DGKD: variants seen among roughly 807,000 people sequenced by gnomAD.
The protein encoded by DGKD is diacylglycerol kinase delta, also known as DAG kinase delta.
In DGKD, 68 loss-of-function variants were observed where a neutral mutation model predicts 154.4. That is an observed-to-expected ratio of 0.44 (90% CI 0.36 to 0.54). The LOEUF is 0.54. Among genes scored for constraint, DGKD ranks in the 20% least tolerant of loss-of-function variants. The pLI, the probability that DGKD is intolerant of heterozygous loss-of-function variation, is 0.00. For missense variants in DGKD, 1,343 were observed against 1,593.6 expected, an observed-to-expected ratio of 0.84 and a Z score of 2.68; for synonymous variants, 693 against 638.0, an observed-to-expected ratio of 1.09 and a Z score of -1.30.
In DGKD at chr2:233,460,254, C is replaced by A. The variant is rs1301038819; in HGVS notation, c.2890C>A (p.Pro964Thr). ...GCAGAAGTGCGAGCTGCCCCGCCCT[C>A]CATCCTGTTCCCTGCACCCGGAGAT... ...DKQKCELPRPPSCSLHPEMLS... is the reference protein window; with the variant it reads ...DKQKCELPRPTSCSLHPEMLS... Residue 964 changes from proline to threonine, a missense_variant, in exon 24 of 30, where the codon CCA becomes ACA. This residue lies in a region of DGKD where 429 missense variants were observed against 496.3 expected (regional missense o/e 0.86). Coordinates refer to ENST00000264057, the MANE Select transcript of DGKD (RefSeq NM_152879.3). 2 of 1,613,876 alleles carry A rather than the reference C, an allele frequency of 1.2e-6. No individual in the cohort carries two copies. The highest frequency in any genetic ancestry group is 1.3e-5 in the African/African-American group (1 of 74,886).
rs2062797192 is a variant in DGKD at position 233,438,798 on chromosome 2, CTA to C, written c.1085+421_1085+422del. On this transcript the variant is annotated intron_variant, in intron 9 of 29. Coordinates refer to ENST00000264057, the MANE Select transcript of DGKD (RefSeq NM_152879.3). This position sits in a 1 kb window ranked among gnomAD's most constrained non-coding sequence, Gnocchi z 4.1. ...TCTATCTATCTATCTATCTATCTAT[CTA>C]TCTATCTATCTATCTGTGGGTGTAT... 6.7e-6 allele frequency among the ~76,000 whole-genome samples: 1 copy of C among 149,566 alleles called. No homozygotes were observed. The highest frequency in any genetic ancestry group is 1.9e-4 in the East Asian group (1 of 5,168).
chr2:233,380,414 C>T (rs1180028236), intron 1 of DGKD, among the ~76,000 whole-genome samples: 1 of 152,214 alleles, frequency 6.6e-6, no homozygotes, highest in Non-Finnish European at 1.5e-5. Context: ...AGGACCCACA[C>T]TGGCTACCTT....
At position 233,437,257 on chromosome 2, in the gene DGKD, G is replaced by A. The variant is rs918440858; in HGVS notation, c.820-120G>A. 6.7e-6 allele frequency: 6 copies of A among 892,136 alleles called. No homozygotes were observed. The African/African-American group carries it at 9.9e-5, about 15-fold the overall frequency. 55.3% of individuals were successfully genotyped at this position (892,136 alleles called of 1,614,324 possible). Reference sequence around the variant, plus strand: ...CAGGGCCCCTGATGGTAGCAGGCCAGCCCAGCTCTGAAATCACCTGCCTCC... The same window carrying A: ...CAGGGCCCCTGATGGTAGCAGGCCAACCCAGCTCTGAAATCACCTGCCTCC... On this transcript the variant is annotated intron_variant, in intron 7 of 29. Coordinates refer to ENST00000264057, the MANE Select transcript of DGKD (RefSeq NM_152879.3).
chr2:233,434,730 A>G (rs1279496802), intron 4 of DGKD, 39 bp from the exon 5 acceptor site: 1 of 1,587,572 alleles, frequency 6.3e-7, no homozygotes, highest in Admixed American at 1.8e-5. Context: ...AATTTAAAAG[A>G]GAAGTCTTAT....
At chr2:233,416,700 C>T (rs1241315472) in intron 3 of DGKD, among the ~76,000 whole-genome samples, 1 of 152,176 alleles carries the variant, frequency 6.6e-6, no homozygotes, top group East Asian at 1.9e-4. Context: ...CCCTCCACCC[C>T]ATCCCTTCCA....
chr2:233,449,474 G>A lies in DGKD; in HGVS notation c.1888+98G>A, dbSNP rs576966365. The A allele has an allele frequency of 6.9e-7, 1 of 1,455,926 alleles. No homozygotes were observed. Among genetic ancestry groups the A allele is most frequent in the East Asian group, 2.4e-5 (1 of 40,830 alleles). 90.2% of individuals were successfully genotyped at this position (1,455,926 alleles called of 1,614,324 possible). On this transcript the variant is annotated intron_variant, in intron 15 of 29. Transcript: ENST00000264057. The surrounding 1 kb of genome is among the most constrained non-coding windows in gnomAD (Gnocchi z 5.3). ...GAGATGACAGAAGGGTGCATGTTGA[G>A]AAAACCTCCACTGCGGCCCTCTCCA...
intron 10 of DGKD, 130 bp downstream of exon 10, chr2:233,442,125 G>A (rs753460750): frequency 1.1e-6 from 1 of 919,224 alleles, no homozygotes; most frequent in Admixed American, 2.0e-5. Context: ...TGGTTTTGGG[G>A]AGTGTGCAGT....
At chr2:233,394,242 C>CT (rs1369547196) in intron 3 of DGKD, among the ~76,000 whole-genome samples, 6 of 151,554 alleles carry the variant, frequency 4.0e-5, no homozygotes, top group South Asian at 2.1e-4. Flanking sequence ...AAAGTAGTAG[C>CT]TTTTTTTTTC....
chr2:233,376,416 A>G (rs546757069), intron 1 of DGKD, among the ~76,000 whole-genome samples: 98 of 152,322 alleles, frequency 6.4e-4, no homozygotes, highest in South Asian at 1.7e-3. Flanking sequence ...CTTCATTAGT[A>G]AAATGGGGCT....
Position 233,457,619 on chromosome 2 carries a change from T to C in DGKD, c.2580+291T>C, listed in dbSNP as rs1236809446. On this transcript the variant is annotated intron_variant, in intron 21 of 29. Coordinates refer to ENST00000264057, the MANE Select transcript of DGKD (RefSeq NM_152879.3). The surrounding 1 kb of genome is among the most constrained non-coding windows in gnomAD (Gnocchi z 5.5). ...GGAAGGTGTCTGGGAGGCCAAGACC[T>C]GAAGGATGAGTTGGAGTTGGCTAAG... 2 of 545,200 alleles carry C rather than the reference T, an allele frequency of 3.7e-6. No individual in the cohort carries two copies. The highest frequency in any genetic ancestry group is 1.5e-5 in the South Asian group (1 of 64,948). The allele number at this position is 545,200 out of a possible 1,614,324, so 33.8% of individuals were successfully genotyped here.
At position 233,395,985 on chromosome 2, in the gene DGKD, C is replaced by T. The variant is rs145363630; in HGVS notation, c.348+5502C>T. 1.6e-3 allele frequency among the ~76,000 whole-genome samples: 249 copies of T among 152,132 alleles called. 2 individuals carry two copies. The highest frequency in any genetic ancestry group is 5.7e-3 in the African/African-American group (235 of 41,476). ...TTCACTAGCTCTTATTCGATTCATACCAAACCATGAAAATGAAAAAGGACT... is the reference window on the plus strand; with the variant it reads ...TTCACTAGCTCTTATTCGATTCATATCAAACCATGAAAATGAAAAAGGACT... On this transcript the variant is annotated intron_variant, in intron 3 of 29. Transcript: ENST00000264057.
Position 233,354,593 on chromosome 2 carries a change from C to A in DGKD, c.75C>A (p.Ser25=). 1.8e-6 allele frequency: 2 copies of A among 1,115,900 alleles called. No homozygotes were observed. Among genetic ancestry groups the A allele is most frequent in the Non-Finnish European group, 2.2e-6 (2 of 897,274 alleles). The allele number at this position is 1,115,900 out of a possible 1,614,324, so 69.1% of individuals were successfully genotyped here. ...PPPPPPPEES[S]DSEPEAEPGS... is the part of the protein sequence containing the mutation. ...CGCCGCCGCCGCCCGAGGAGTCGTC[C>A]GACAGCGAGCCCGAGGCGGAGCCCG... is the stretch of plus-strand genomic sequence containing the variant. The change falls in exon 1 of 30, where the codon TCC becomes TCA. Residue 25 remains serine, a synonymous_variant. Transcript: ENST00000264057. The surrounding 1 kb of genome is among the most constrained non-coding windows in gnomAD (Gnocchi z 4.8).
chr2:233,462,455 C>G lies in DGKD; in HGVS notation c.3089C>G (p.Thr1030Arg). 13 of 1,595,368 alleles carry G rather than the reference C, an allele frequency of 8.1e-6. No individual in the cohort carries two copies. Among genetic ancestry groups the G allele is most frequent in the Non-Finnish European group, 1.1e-5 (13 of 1,165,876 alleles). The part of the protein sequence containing the change: ...MDRVYGKPRT[T>R]EGLNCSFVLE... ...CGTGTGTATGGCAAGCCCAGAACCA[C>G]AGAGGTAGCTATTCTGGCCTTTTCA... The change falls in exon 25 of 30, where the codon ACA becomes AGA. Residue 1030 changes from threonine (T) to arginine (R), a missense_variant. Around this residue, in one of 6 missense-constraint regions of DGKD, gnomAD observed 429 missense variants for 496.3 expected, o/e 0.86. Coordinates refer to ENST00000264057, the MANE Select transcript of DGKD (RefSeq NM_152879.3).
intron 3 of DGKD, among the ~76,000 whole-genome samples, chr2:233,429,901 A>G (rs1434503480): frequency 6.6e-6 from 1 of 152,198 alleles, no homozygotes; most frequent in Non-Finnish European, 1.5e-5. Flanking sequence ...ACCCAGTTCC[A>G]TTTATCCCCT....
intron 3 of DGKD, among the ~76,000 whole-genome samples, chr2:233,415,508 G>T (rs1400731260): frequency 6.6e-6 from 1 of 152,234 alleles, no homozygotes; most frequent in Admixed American, 6.5e-5. Context: ...CATTGGGATA[G>T]CAGGTCAATG....
intron 3 of DGKD, among the ~76,000 whole-genome samples, chr2:233,394,579 T>C (rs1703869035): frequency 6.6e-6 from 1 of 152,112 alleles, no homozygotes; most frequent in African/African-American, 2.4e-5. Context: ...TGTATATTAG[T>C]ATTTCTAAGT....
At chr2:233,371,822 G>C (rs1702341469) in intron 1 of DGKD, among the ~76,000 whole-genome samples, 2 of 152,190 alleles carry the variant, frequency 1.3e-5, no homozygotes. Flanking sequence ...CTCCCCAGCT[G>C]TGCAGACAGC....
chr2:233,381,241 G>C (rs1337051114), intron 1 of DGKD, among the ~76,000 whole-genome samples: 3 of 152,236 alleles, frequency 2.0e-5, no homozygotes, highest in African/African-American at 7.2e-5. Context: ...CACTCCCTCA[G>C]CTTCTGCCAG....
At chr2:233,423,265 A>G (rs555683794) in intron 3 of DGKD, among the ~76,000 whole-genome samples, 1 of 152,344 alleles carries the variant, frequency 6.6e-6, no homozygotes, top group African/African-American at 2.4e-5. Flanking sequence ...TCTCTGGGAT[A>G]AATGCTGAAG....
Sources: gnomAD v4.1 joint callset for allele counts (sites outside exome capture counted in the v4.1 genomes callset) on GRCh38, gnomAD v4.1.1 for gene constraint, gnomAD v4.1.1 regional missense constraint, Gnocchi (gnomAD v3.1) non-coding constraint, MANE v1.5 for transcripts, NCBI Gene and HGNC (gene_info 2026-07-23, HGNC 2026-07-21) for gene names.